Variants in PRPSAP2 observed in about 807,000 individuals in gnomAD.
The protein encoded by PRPSAP2 is phosphoribosyl pyrophosphate synthase-associated protein 2.
A neutral mutation model predicts 40.6 loss-of-function variants in PRPSAP2; 24 were observed. The ratio of observed to expected loss-of-function variants is 0.59; its 90% CI spans 0.43 to 0.83. The LOEUF (loss-of-function observed/expected upper bound fraction) is 0.83, where lower values mean the gene tolerates loss of function less well. Among genes scored for constraint, PRPSAP2 ranks in the 40% least tolerant of loss-of-function variants. The pLI is 0.00. For synonymous variants in PRPSAP2, 149 were observed against 164.7 expected, an observed-to-expected ratio of 0.90 and a Z score of 0.73; for missense variants, 292 against 465.6, an observed-to-expected ratio of 0.63 and a Z score of 3.43.
intron 8 of PRPSAP2, among the ~76,000 whole-genome samples, chr17:18,909,175 TG>T (rs2040795251): frequency 6.6e-6 from 1 of 151,654 alleles, no homozygotes; most frequent in Non-Finnish European, 1.5e-5. Context: ...GTGGAGGAAC[TG>T]GATCTCTCAT....
rs552454480 is a variant in PRPSAP2 at position 18,885,923 on chromosome 17, G to A, written c.528+3240G>A. On this transcript the variant is annotated intron_variant, in intron 7 of 11. Transcript: ENST00000268835. ...TTTTTAGTAGAGATAGGGTTTCACC[G>A]TGTTGGCCAGGCTGGTCTTGAACTT... Among the ~76,000 whole-genome samples, 3 of 151,966 alleles carry A rather than the reference G, an allele frequency of 2.0e-5. No individual in the cohort carries two copies. In the East Asian group the frequency reaches 5.8e-4, roughly 29 times the overall value.
At chr17:18,865,238 A>C (rs2037348330) in intron 1 of PRPSAP2, among the ~76,000 whole-genome samples, 2 of 152,148 alleles carry the variant, frequency 1.3e-5, no homozygotes, top group South Asian at 2.1e-4. Context: ...TGGTCGCTTA[A>C]GTGTCCTTCA....
intron 11 of PRPSAP2, chr17:18,929,525 A>G (rs59406503): frequency 6.6e-6 from 1 of 152,236 alleles, no homozygotes; most frequent in African/African-American, 2.4e-5. Flanking sequence ...TCTCACTGCC[A>G]TTAGTCCCTG....
chr17:18,856,421 T>A (rs1312987534), upstream of PRPSAP2: 1 of 152,100 alleles, frequency 6.6e-6, no homozygotes, highest in Admixed American at 6.5e-5. Flanking sequence ...TGAAGAGGAA[T>A]CAATTTTGGT....
chr17:18,914,321 G>A (rs1303081112), intron 9 of PRPSAP2, among the ~76,000 whole-genome samples: 5 of 126,320 alleles, frequency 4.0e-5, no homozygotes, highest in Admixed American at 9.7e-5. Flanking sequence ...ACAGTGGTGC[G>A]ATCAGATCTC....
intron 8 of PRPSAP2, among the ~76,000 whole-genome samples, chr17:18,897,409 A>G (rs895112069): frequency 1.3e-5 from 2 of 151,802 alleles, no homozygotes; most frequent in African/African-American, 4.8e-5. Flanking sequence ...CAGATTTTTT[A>G]GGGTCCTTAT....
At chr17:18,869,571 C>T (rs567235139) in intron 4 of PRPSAP2, among the ~76,000 whole-genome samples, 45 of 149,502 alleles carry the variant, frequency 3.0e-4, no homozygotes, top group Non-Finnish European at 4.7e-4. Flanking sequence ...GGGGCAACCT[C>T]GGCTCACTGC....
chr17:18,906,479 G>A (rs1448273816), intron 8 of PRPSAP2, among the ~76,000 whole-genome samples: 1 of 152,142 alleles, frequency 6.6e-6, no homozygotes, highest in Non-Finnish European at 1.5e-5. Context: ...CTCCCAAAGT[G>A]CTGGGATTAC....
chr17:18,897,172 G>T (rs1356455988), intron 8 of PRPSAP2, among the ~76,000 whole-genome samples: 2 of 151,906 alleles, frequency 1.3e-5, no homozygotes, highest in South Asian at 4.2e-4. Flanking sequence ...TGCCCAGGCT[G>T]GTCTCCAACT....
chr17:18,866,439 C>G (rs1184270944), intron 3 of PRPSAP2, among the ~76,000 whole-genome samples: 5 of 152,138 alleles, frequency 3.3e-5, no homozygotes, highest in Admixed American at 1.3e-4. Context: ...TGGCGGGCAC[C>G]TGTAGTCCCA....
At chr17:18,885,403 CAAAAAAAAAAAAAAA>C (rs775079199) in intron 7 of PRPSAP2, among the ~76,000 whole-genome samples, 3 of 10,994 alleles carry the variant, frequency 2.7e-4, no homozygotes, top group East Asian at 4.5e-3. Context: ...TTCCTTCTCA[CAAAAAAAAAAAAAAA>C]AAAAAAAAAA....
intron 9 of PRPSAP2, among the ~76,000 whole-genome samples, chr17:18,918,931 T>C (rs533971874): frequency 2.7e-3 from 404 of 152,258 alleles, no homozygotes; most frequent in Non-Finnish European, 4.9e-3. Flanking sequence ...TAATTTTACC[T>C]TTTTTTGTGC....
intron 4 of PRPSAP2, among the ~76,000 whole-genome samples, chr17:18,869,834 C>CTT (rs146119397): frequency 0.012 from 1,738 of 143,258 alleles, 29 homozygotes; most frequent in African/African-American, 0.043. Context: ...CATTTTGCTA[C>CTT]TTTTTTTTTG....
At position 18,927,770 on chromosome 17, in the gene PRPSAP2, C is replaced by CGT. The variant is rs542286230; in HGVS notation, c.805-1028_805-1027dup. Among the ~76,000 whole-genome samples the CGT allele has an allele frequency of 2.2e-3, 329 of 151,536 alleles. 1 individual carries two copies. The highest frequency in any genetic ancestry group is 7.4e-3 in the African/African-American group (306 of 41,312). The stretch of plus-strand genomic sequence containing the variant: ...TTTACTAGTAGGACTTTTAAAGTAG[C>CGT]GTGTGTGTGTGTGTATGTATTTTTT... On this transcript the variant is annotated intron_variant, in intron 10 of 11. Transcript: ENST00000268835.
Position 18,908,270 on chromosome 17 carries a change from T to C in PRPSAP2, c.585-2833T>C, listed in dbSNP as rs2040726852. The C allele has an allele frequency of 5.2e-6, 4 of 768,196 alleles. No individual in the cohort carries two copies. In the Admixed American group the frequency reaches 7.0e-5, roughly 13 times the overall value. The allele number at this position is 768,196 out of a possible 1,614,324, so 47.6% of individuals were successfully genotyped here. A position where few individuals can be genotyped will look rare whatever the true frequency, so the allele number is the denominator to read the frequency against. Reference sequence around the variant, plus strand: ...GACCCACTCAGCCGAGCTGCCGCTTTCGCAGCACGCCAAGGACACTCATGA... The same window carrying C: ...GACCCACTCAGCCGAGCTGCCGCTTCCGCAGCACGCCAAGGACACTCATGA... On this transcript the variant is annotated intron_variant, in intron 8 of 11. Coordinates refer to ENST00000268835, the MANE Select transcript of PRPSAP2 (RefSeq NM_002767.4).
intron 8 of PRPSAP2, among the ~76,000 whole-genome samples, chr17:18,895,888 A>G (rs1056684118): frequency 6.6e-6 from 1 of 152,118 alleles, no homozygotes; most frequent in African/African-American, 2.4e-5. Flanking sequence ...TGGCCTCCCA[A>G]AATGCTGGGA....
chr17:18,917,584 A>ATTTT (rs536358118), intron 9 of PRPSAP2: 3 of 32,364 alleles, frequency 9.3e-5, no homozygotes, highest in Admixed American at 5.3e-4. Context: ...TATTATTATT[A>ATTTT]TTTTTTTTTT....
intron 8 of PRPSAP2, among the ~76,000 whole-genome samples, chr17:18,904,048 T>C (rs1489462592): frequency 2.0e-5 from 3 of 152,112 alleles, no homozygotes; most frequent in Non-Finnish European, 4.4e-5. Flanking sequence ...GTCAGGAAGG[T>C]ATTAAATTAG....
At chr17:18,889,562 A>G (rs1484923395) in intron 7 of PRPSAP2, among the ~76,000 whole-genome samples, 1 of 152,162 alleles carries the variant, frequency 6.6e-6, no homozygotes, top group Non-Finnish European at 1.5e-5. Context: ...ACATCTTTAC[A>G]CTGCATCATT....
Sources: allele counts gnomAD v4.1 joint callset (sites outside exome capture counted in the v4.1 genomes callset), GRCh38; gene constraint gnomAD v4.1.1; transcripts MANE v1.5; gene names NCBI Gene and HGNC (gene_info 2026-07-23, HGNC 2026-07-21).